The following EYS variants were observed in gnomAD, a reference collection of about 807,000 sequenced individuals.
EYS encodes EGF-like photoreceptor maintenance factor.
EYS carries 250 observed loss-of-function variants against 282.1 expected under a neutral mutation model. The ratio of observed to expected loss-of-function variants is 0.89; its 90% confidence interval spans 0.80 to 0.98. The LOEUF is 0.98. Ranked by LOEUF, EYS falls within the 50% of genes least tolerant of loss-of-function variation. The pLI, the probability that EYS is intolerant of heterozygous loss-of-function variation, is 0.00. For synonymous variants in EYS, 1,355 were observed against 1,282.9 expected (o/e 1.06, Z -1.20); for missense variants, 4,016 against 3,709.0 (o/e 1.08, Z -2.15).
intron 22 of EYS, among the ~76,000 whole-genome samples, chr6:64,792,856 A>ATGTGTGTGTGTGTGTGTGTGTG (rs758915162): frequency 0.014 from 966 of 70,964 alleles, 4 homozygotes; most frequent in South Asian, 0.036. Flanking sequence ...CGATCTTGAC[A>ATGTGTGTGTGTGTGTGTGTGTG]CGTGTGTGTG....
chr6:65,634,205 G>A (rs1345993663), intron 2 of EYS, among the ~76,000 whole-genome samples: 3 of 152,136 alleles, frequency 2.0e-5, no homozygotes, highest in African/African-American at 4.8e-5. Flanking sequence ...AAATGAGGAC[G>A]GATAGAAAGA....
At chr6:63,744,952 TC>T in intron 41 of EYS, 1 of 423,020 alleles carries the variant, frequency 2.4e-6, no homozygotes, top group Non-Finnish European at 4.6e-6. Flanking sequence ...TTACCTCATC[TC>T]CATCATGAAA....
intron 18 of EYS, among the ~76,000 whole-genome samples, chr6:64,892,164 A>G (rs922995681): frequency 1.3e-5 from 2 of 152,100 alleles, no homozygotes; most frequent in Non-Finnish European, 2.9e-5. Context: ...ACATGAATTT[A>G]TAGCCCCCAA....
In EYS at chr6:64,636,591, G is replaced by C. The variant is rs934318821; in HGVS notation, c.3444-10346C>G. On this transcript the variant is annotated intron_variant, in intron 22 of 42. Coordinates refer to ENST00000503581, the MANE Select transcript of EYS (RefSeq NM_001142800.2). ...CAACAAAAGCCAAAATTGACAAATG[G>C]GATCTCATTAAACTAAAGAGCTTCT... Among the ~76,000 whole-genome samples the C allele has an allele frequency of 1.4e-3, 214 of 152,126 alleles. 2 individuals carry two copies. The highest frequency in any genetic ancestry group is 4.6e-3 in the African/African-American group (189 of 41,506).
chr6:63,770,580 T>C (rs1218429018), intron 40 of EYS, among the ~76,000 whole-genome samples: 1 of 152,150 alleles, frequency 6.6e-6, no homozygotes, highest in Non-Finnish European at 1.5e-5. Context: ...ATTTCTCTGC[T>C]CTTTAAAGAA....
chr6:65,641,321 G>C (rs1387794), intron 1 of EYS, among the ~76,000 whole-genome samples: 22,005 of 152,190 alleles, frequency 0.14, 1,776 homozygotes, highest in South Asian at 0.29. Context: ...TATTGACCAA[G>C]AGTGACCTCA....
chr6:64,281,355 G>C (rs1768303775), intron 30 of EYS, among the ~76,000 whole-genome samples: 2 of 152,044 alleles, frequency 1.3e-5, no homozygotes, highest in Non-Finnish European at 2.9e-5. Context: ...GTCAAGTATG[G>C]AAGTCAAAAT....
chr6:65,521,804 A>T (rs72878403), intron 2 of EYS, among the ~76,000 whole-genome samples: 9 of 152,306 alleles, frequency 5.9e-5, no homozygotes, highest in Non-Finnish European at 1.2e-4. Context: ...GGGTCCTCAA[A>T]TTATGAAGGG....
At chr6:65,099,680 T>C (rs1195760403) in intron 12 of EYS, among the ~76,000 whole-genome samples, 1 of 150,894 alleles carries the variant, frequency 6.6e-6, no homozygotes, top group East Asian at 1.9e-4. Flanking sequence ...AGATTATAAG[T>C]ATTTTGAAAT....
chr6:64,237,100 A>T (rs1227635731), intron 30 of EYS, among the ~76,000 whole-genome samples: 2 of 152,160 alleles, frequency 1.3e-5, no homozygotes, highest in Admixed American at 1.3e-4. Flanking sequence ...TACTTATACC[A>T]ATAATTTCTT....
intron 37 of EYS, among the ~76,000 whole-genome samples, chr6:63,802,822 G>A (rs1421257533): frequency 1.3e-5 from 2 of 152,240 alleles, no homozygotes; most frequent in East Asian, 1.9e-4. Context: ...ATGTGCAACT[G>A]TATGTTTTAG....
Position 65,329,681 on chromosome 6 carries a change from C to G in EYS, c.1766+5299G>C, listed in dbSNP as rs138500727. 66 of 981,456 alleles carry G rather than the reference C, an allele frequency of 6.7e-5. No individual in the cohort carries two copies. In the African/African-American group the frequency reaches 1.1e-3, roughly 16 times the overall value. The allele number at this position is 981,456 out of a possible 1,614,324, so 60.8% of individuals were successfully genotyped here. A position where few individuals can be genotyped will look rare whatever the true frequency, so the allele number is the denominator to read the frequency against. On this transcript the variant is annotated intron_variant, in intron 11 of 42. Coordinates refer to ENST00000503581, the MANE Select transcript of EYS (RefSeq NM_001142800.2). ...AATAAACCTAAAACCAACTATTCAACTTGTTAATAAAATCACGGACATCAC... is the reference window on the plus strand; with the variant it reads ...AATAAACCTAAAACCAACTATTCAAGTTGTTAATAAAATCACGGACATCAC...
chr6:65,397,118 T>C (rs1352104467), intron 7 of EYS, among the ~76,000 whole-genome samples: 1 of 152,028 alleles, frequency 6.6e-6, no homozygotes, highest in Admixed American at 6.6e-5. Flanking sequence ...CTCATGTTCC[T>C]ATCTGGGTTC....
intron 31 of EYS, among the ~76,000 whole-genome samples, chr6:64,148,832 T>C (rs1367243588): frequency 2.0e-5 from 3 of 152,120 alleles, no homozygotes; most frequent in Admixed American, 6.6e-5. Flanking sequence ...TTCCCAACCA[T>C]AGAACTGAGA....
intron 12 of EYS, among the ~76,000 whole-genome samples, chr6:65,238,320 G>T (rs1467828647): frequency 6.6e-6 from 1 of 150,844 alleles, no homozygotes; most frequent in Non-Finnish European, 1.5e-5. Context: ...AATAATACTA[G>T]AATCACTTTT....
At chr6:64,879,990 C>T (rs1198654302) in intron 19 of EYS, among the ~76,000 whole-genome samples, 1 of 151,970 alleles carries the variant, frequency 6.6e-6, no homozygotes, top group African/African-American at 2.4e-5. Context: ...TATTCTCCCA[C>T]CTCCTCACTC....
chr6:64,970,018 A>T (rs1467074323), intron 14 of EYS, among the ~76,000 whole-genome samples: 4 of 152,204 alleles, frequency 2.6e-5, no homozygotes, highest in Admixed American at 2.0e-4. Flanking sequence ...TTGTTCCATG[A>T]ACAACACAGG....
At chr6:64,859,253 A>G (rs536217800) in intron 19 of EYS, among the ~76,000 whole-genome samples, 1 of 148,072 alleles carries the variant, frequency 6.8e-6, no homozygotes, top group South Asian at 2.1e-4. Context: ...ATATTAATAT[A>G]TTTATATTTA....
intron 37 of EYS, among the ~76,000 whole-genome samples, chr6:63,798,987 G>GTGTATATATATATA (rs1247104267): frequency 9.3e-5 from 8 of 85,754 alleles, no homozygotes. Flanking sequence ...GTATATGTGT[G>GTGTATATATATATA]TATATATATA....
Sources: gnomAD v4.1 joint callset for allele counts (sites outside exome capture counted in the v4.1 genomes callset) on GRCh38, gnomAD v4.1.1 for gene constraint, MANE v1.5 for transcripts, NCBI Gene and HGNC (gene_info 2026-07-23, HGNC 2026-07-21) for gene names.